The following PRSS12 variants were observed in gnomAD, a reference collection of about 807,000 sequenced individuals.
PRSS12 encodes neurotrypsin.
PRSS12 carries 85 observed loss-of-function variants against 104.4 expected under a neutral mutation model. The ratio of observed to expected loss-of-function variants is 0.81; its 90% CI spans 0.68 to 0.98. PRSS12 has a LOEUF of 0.98. Ranked by LOEUF, PRSS12 falls within the 50% of genes least tolerant of loss-of-function variation. PRSS12 has a pLI of 0.00. For synonymous variants in PRSS12, 454 were observed against 425.2 expected (o/e 1.07, Z -0.83); for missense variants, 1,141 against 1,139.2 (o/e 1.00, Z -0.02).
intron 8 of PRSS12, among the ~76,000 whole-genome samples, chr4:118,299,410 T>C (rs1055277288): frequency 1.3e-5 from 2 of 152,116 alleles, no homozygotes; most frequent in Admixed American, 1.3e-4. Flanking sequence ...GCCGGGCACG[T>C]TGGCTCATGC....
chr4:118,352,331 C>A lies in PRSS12; in HGVS notation c.390G>T (p.Leu130=), dbSNP rs761865573. ...ERSPPASWAQ[L]RGQRHNFCRS... ...GACAAAAGTTGTGGCGCTGTCCTCGCAGCTGAGCCCAGCTCGCTGGGGGCG... is the reference window on the plus strand; with the variant it reads ...GACAAAAGTTGTGGCGCTGTCCTCGAAGCTGAGCCCAGCTCGCTGGGGGCG... The change falls in exon 1 of 13, where the codon CTG becomes CTT. Residue 130 remains leucine, a synonymous_variant. Transcript: ENST00000296498. 6.3e-7 allele frequency: 1 copy of A among 1,584,704 alleles called. No individual in the cohort carries two copies. The highest frequency in any genetic ancestry group is 1.3e-5 in the African/African-American group (1 of 74,850).
At chr4:118,320,694 A>C (rs1723592245) in intron 4 of PRSS12, among the ~76,000 whole-genome samples, 14 of 152,126 alleles carry the variant, frequency 9.2e-5, no homozygotes, top group Admixed American at 6.5e-5. Flanking sequence ...TCAAGGCTGC[A>C]ATGACCCGTG....
chr4:118,291,410 C>T (rs1165315543), intron 11 of PRSS12, among the ~76,000 whole-genome samples: 1 of 152,208 alleles, frequency 6.6e-6, no homozygotes, highest in African/African-American at 2.4e-5. Flanking sequence ...ACAGAACTCA[C>T]TTTTCCTCCC....
chr4:118,304,779 T>C (rs1743498755), intron 8 of PRSS12, among the ~76,000 whole-genome samples: 1 of 152,122 alleles, frequency 6.6e-6, no homozygotes, highest in East Asian at 1.9e-4. Flanking sequence ...CCTTTTACTT[T>C]CTGTTCACTT....
intron 1 of PRSS12, among the ~76,000 whole-genome samples, chr4:118,346,121 C>T (rs1278346357): frequency 1.3e-5 from 2 of 152,102 alleles, no homozygotes; most frequent in African/African-American, 2.4e-5. Flanking sequence ...CTAAGTGAAG[C>T]CTGGAATAAC....
chr4:118,299,746 T>A (rs991104254), intron 8 of PRSS12, among the ~76,000 whole-genome samples: 6 of 82,432 alleles, frequency 7.3e-5, no homozygotes, highest in African/African-American at 3.1e-4. Context: ...TAAAATAAAA[T>A]AAATAAAATA....
chr4:118,305,955 TCATC>T (rs1189407286), intron 8 of PRSS12: 2 of 152,202 alleles, frequency 1.3e-5, no homozygotes, highest in Admixed American at 6.5e-5. Flanking sequence ...CACATTTTCT[TCATC>T]CATTCATTTA....
At chr4:118,311,666 G>C (rs1400567842) in intron 7 of PRSS12, among the ~76,000 whole-genome samples, 1 of 152,104 alleles carries the variant, frequency 6.6e-6, no homozygotes, top group Non-Finnish European at 1.5e-5. Flanking sequence ...ACTGAGATTA[G>C]AACCAAAGAG....
At chr4:118,337,445 T>C (rs1724088494) in intron 2 of PRSS12, among the ~76,000 whole-genome samples, 1 of 152,196 alleles carries the variant, frequency 6.6e-6, no homozygotes, top group Non-Finnish European at 1.5e-5. Flanking sequence ...GGTGAAACTC[T>C]ATGGCACAAG....
chr4:118,282,350 T>A, intron 12 of PRSS12, 107 bp from the exon 13 acceptor site: 1 of 1,432,612 alleles, frequency 7.0e-7, no homozygotes, highest in Non-Finnish European at 9.8e-7. Context: ...GTTGTGGCAT[T>A]AGTGTAGTTT....
At chr4:118,291,801 G>A (rs1050887748) in intron 11 of PRSS12, among the ~76,000 whole-genome samples, 7 of 152,120 alleles carry the variant, frequency 4.6e-5, no homozygotes, top group Admixed American at 2.0e-4. Context: ...CAACCATATT[G>A]TATTGCTGAG....
At chr4:118,307,328 C>CCCCAAG (rs564442719) in intron 8 of PRSS12, among the ~76,000 whole-genome samples, 31 of 152,006 alleles carry the variant, frequency 2.0e-4, no homozygotes, top group African/African-American at 7.5e-4. Flanking sequence ...TGAAGTTTAC[C>CCCCAAG]CCCAACATGT....
At chr4:118,338,342 T>G (rs1427879377) in intron 1 of PRSS12, 28 bp from the exon 2 acceptor site, 1 of 1,613,306 alleles carries the variant, frequency 6.2e-7, no homozygotes, top group Non-Finnish European at 8.5e-7. Context: ...CCCAAAACCC[T>G]TTAATAGTAA....
In PRSS12 at chr4:118,298,749, T is replaced by C. The variant is rs767369478; in HGVS notation, c.1821A>G (p.Ser607=). The C allele has an allele frequency of 6.2e-7, 1 of 1,614,240 alleles. No homozygotes were observed. Among genetic ancestry groups the C allele is most frequent in the Non-Finnish European group, 8.5e-7 (1 of 1,180,034 alleles). Reference sequence around the variant, plus strand: ...GTGACTTACCTTTATTACTGTTACCTGAGGCCTTCTTGCCAAAATAATCAC... The same window carrying C: ...GTGACTTACCTTTATTACTGTTACCCGAGGCCTTCTTGCCAAAATAATCAC... ...VICDYFGKKA[S]GNSNKESLSS... is the part of the protein sequence containing the mutation. Residue 607 remains serine, a synonymous_variant, in exon 9 of 13, where the codon TCA becomes TCG. Transcript: ENST00000296498.
intron 3 of PRSS12, 91 bp downstream of exon 3, chr4:118,335,382 G>T: frequency 6.9e-7 from 1 of 1,448,470 alleles, no homozygotes; most frequent in Non-Finnish European, 9.4e-7. Flanking sequence ...AGTCTTTAAG[G>T]AAATGATTAT....
At chr4:118,324,854 A>T (rs1350643388) in intron 4 of PRSS12, among the ~76,000 whole-genome samples, 1 of 151,828 alleles carries the variant, frequency 6.6e-6, no homozygotes. Context: ...CTGGGATTAC[A>T]GGCGCCCACC....
intron 4 of PRSS12, among the ~76,000 whole-genome samples, chr4:118,329,689 C>A: frequency 6.6e-6 from 1 of 152,208 alleles, no homozygotes; most frequent in Middle Eastern, 3.4e-3. Flanking sequence ...AATTAGAGTG[C>A]CCTTGATAGC....
chr4:118,306,833 C>T (rs993048923), intron 8 of PRSS12, among the ~76,000 whole-genome samples: 1 of 151,776 alleles, frequency 6.6e-6, no homozygotes, highest in Non-Finnish European at 1.5e-5. Context: ...GATGAATATG[C>T]CTAGAAAATT....
chr4:118,348,028 G>A (rs943892402), intron 1 of PRSS12, among the ~76,000 whole-genome samples: 4 of 152,090 alleles, frequency 2.6e-5, no homozygotes, highest in African/African-American at 9.7e-5. Flanking sequence ...CCAGGAGTTG[G>A]AGACCAGCCT....
Sources: allele counts gnomAD v4.1 joint callset (sites outside exome capture counted in the v4.1 genomes callset), GRCh38; gene constraint gnomAD v4.1.1; transcripts MANE v1.5; gene names NCBI Gene and HGNC (gene_info 2026-07-23, HGNC 2026-07-21).